Variants in B4GALT1 observed in about 807,000 individuals in gnomAD.
The protein encoded by B4GALT1 is N-acetyllactosamine synthase.
B4GALT1 carries 16 observed loss-of-function variants against 34.9 expected under a neutral mutation model. The ratio of observed to expected loss-of-function variants is 0.46; its 90% CI spans 0.31 to 0.70. The LOEUF is 0.70. B4GALT1 is among the 30% of genes least tolerant of loss of function. The probability of loss-of-function intolerance (pLI) is 0.05; values close to 1 mark genes in which losing one functional copy is unlikely to be tolerated. For synonymous variants in B4GALT1, 221 were observed against 218.1 expected (o/e 1.01, Z -0.12); for missense variants, 445 against 530.5 (o/e 0.84, Z 1.58).
the B4GALT1 span, chr9:33,179,822 C>CATTTTCAACTTACAAT: frequency 6.6e-6 from 1 of 152,252 alleles, no homozygotes; most frequent in Non-Finnish European, 1.5e-5. Context: ...ATGTTAAGTG[C>CATTTTCAACTTACAAT]ATTTTCAACT....
chr9:33,172,954 A>AGCAGCCCAGCAAAGAGGGTC, the B4GALT1 span, among the ~76,000 whole-genome samples: 1 of 152,052 alleles, frequency 6.6e-6, no homozygotes, highest in Non-Finnish European at 1.5e-5. Flanking sequence ...TGGGGAGGAT[A>AGCAGCCCAGCAAAGAGGGTC]GCAGCCCAGC....
At chr9:33,180,401 G>A in the B4GALT1 span, among the ~76,000 whole-genome samples, 2 of 152,106 alleles carry the variant, frequency 1.3e-5, no homozygotes, top group Non-Finnish European at 2.9e-5. Flanking sequence ...AATGTCTTCC[G>A]AAACAACATT....
chr9:33,117,358 GCT>G (rs1839955683), intron 3 of B4GALT1, among the ~76,000 whole-genome samples: 1 of 152,222 alleles, frequency 6.6e-6, no homozygotes, highest in Non-Finnish European at 1.5e-5. Flanking sequence ...GAGCATCTGG[GCT>G]CTCATCCTTC....
intron 2 of B4GALT1, among the ~76,000 whole-genome samples, chr9:33,130,333 T>G (rs996806803): frequency 6.6e-6 from 1 of 152,032 alleles, no homozygotes; most frequent in African/African-American, 2.4e-5. Context: ...TGCATCCCTG[T>G]TTGCTATGAT....
At chr9:33,131,593 T>C (rs56954854) in intron 2 of B4GALT1, among the ~76,000 whole-genome samples, 2 of 152,126 alleles carry the variant, frequency 1.3e-5, no homozygotes, top group Non-Finnish European at 2.9e-5. Context: ...TGTGTGTACA[T>C]GTGTGTGCAT....
chr9:33,163,263 G>A (rs537215830), intron 1 of B4GALT1, among the ~76,000 whole-genome samples: 1 of 152,310 alleles, frequency 6.6e-6, no homozygotes, highest in South Asian at 2.1e-4. Context: ...AACCCTGGCA[G>A]ACGCTCAGCA....
intron 1 of B4GALT1, among the ~76,000 whole-genome samples, chr9:33,157,464 A>G (rs1199115198): frequency 1.3e-5 from 2 of 152,264 alleles, no homozygotes; most frequent in Admixed American, 6.5e-5. Flanking sequence ...TGGAATATCT[A>G]TAAGGATACT....
chr9:33,167,377 C>A, upstream of B4GALT1: 1 of 344,230 alleles, frequency 2.9e-6, no homozygotes. Flanking sequence ...AGGGGAGGGG[C>A]GGGGCCCCGG....
chr9:33,136,799 G>C (rs1349201387), intron 1 of B4GALT1, among the ~76,000 whole-genome samples: 1 of 152,226 alleles, frequency 6.6e-6, no homozygotes, highest in African/African-American at 2.4e-5. Flanking sequence ...CACAAGCACA[G>C]ATCAAAACCT....
In B4GALT1 at chr9:33,167,100, G is replaced by C; in HGVS notation, c.70C>G (p.Arg24Gly). 1.2e-6 allele frequency: 2 copies of C among 1,604,884 alleles called. No homozygotes were observed. Among genetic ancestry groups the C allele is most frequent in the Non-Finnish European group, 1.7e-6 (2 of 1,178,846 alleles). The change falls in exon 1 of 6, where the codon CGC becomes GGC. Residue 24 changes from arginine (R) to glycine (G), a missense_variant. Transcript: ENST00000379731. ...MPGASLQRACRLLVAVCALHL... is the reference protein window; with the variant it reads ...MPGASLQRACGLLVAVCALHL... ...AGAGCGCAGACGGCCACGAGCAGGC[G>C]GCAGGCCCGCTGTAGGGACGCGCCT...
chr9:33,181,460 A>ACACAC, the B4GALT1 span, among the ~76,000 whole-genome samples: 6 of 151,752 alleles, frequency 4.0e-5, no homozygotes, highest in East Asian at 1.9e-4. Context: ...ACACACACAC[A>ACACAC]AACTATTCTT....
intron 1 of B4GALT1, among the ~76,000 whole-genome samples, chr9:33,150,271 G>A (rs527576381): frequency 0.012 from 1,507 of 129,390 alleles, 33 homozygotes; most frequent in African/African-American, 0.038. Context: ...CACACAGAGC[G>A]AGAGAGAGAG....
At chr9:33,168,392 T>C (rs1211541636), upstream of B4GALT1, among the ~76,000 whole-genome samples, 1 of 152,188 alleles carries the variant, frequency 6.6e-6, no homozygotes, top group Admixed American at 6.5e-5. Flanking sequence ...GAAAGACTCA[T>C]GGAGGTGCTG....
chr9:33,116,901 G>T (rs763343988), intron 3 of B4GALT1, among the ~76,000 whole-genome samples: 10 of 152,116 alleles, frequency 6.6e-5, no homozygotes, highest in Admixed American at 2.0e-4. Context: ...TTTCTATCAG[G>T]GCTCAGATGA....
At chr9:33,165,090 G>A (rs918875936) in intron 1 of B4GALT1, among the ~76,000 whole-genome samples, 3 of 150,216 alleles carry the variant, frequency 2.0e-5, no homozygotes, top group South Asian at 2.1e-4. Context: ...CTCCTGCCTC[G>A]GCCTCCTGAG....
At chr9:33,126,485 G>C (rs1163511307) in intron 2 of B4GALT1, among the ~76,000 whole-genome samples, 1 of 151,502 alleles carries the variant, frequency 6.6e-6, no homozygotes, top group African/African-American at 2.4e-5. Flanking sequence ...TCGCCATGTT[G>C]CCCAGGCTGG....
upstream of B4GALT1, among the ~76,000 whole-genome samples, chr9:33,168,526 G>C (rs1175615253): frequency 6.6e-6 from 1 of 152,158 alleles, no homozygotes; most frequent in African/African-American, 2.4e-5. Flanking sequence ...GTGGTGTTAC[G>C]GTGTCCATTT....
At chr9:33,138,999 C>A (rs1840309691) in intron 1 of B4GALT1, among the ~76,000 whole-genome samples, 1 of 152,176 alleles carries the variant, frequency 6.6e-6, no homozygotes, top group African/African-American at 2.4e-5. Context: ...CGCCCACTCG[C>A]TCCCATGCCG....
chr9:33,132,656 TCTA>T (rs1443074964), intron 2 of B4GALT1, among the ~76,000 whole-genome samples: 1 of 152,132 alleles, frequency 6.6e-6, no homozygotes. Context: ...CATTCAGAAA[TCTA>T]CTGTGTTGAG....
Sources: gnomAD v4.1 joint callset for allele counts (sites outside exome capture counted in the v4.1 genomes callset) on GRCh38, gnomAD v4.1.1 for gene constraint, MANE v1.5 for transcripts, NCBI Gene and HGNC (gene_info 2026-07-23, HGNC 2026-07-21) for gene names.